Variants in NAV1 observed in about 807,000 individuals in gnomAD.
NAV1 encodes the protein neuron navigator 1, also known as pore membrane and/or filament interacting like protein 3.
In NAV1, 18 loss-of-function variants were observed where a neutral mutation model predicts 175.2. That is an observed-to-expected ratio of 0.10 (90% CI 0.07 to 0.15). The LOEUF (loss-of-function observed/expected upper bound fraction) is 0.15. Ranked by LOEUF, NAV1 falls within the 10% of genes least tolerant of loss-of-function variation. NAV1 has a pLI of 1.00. For synonymous variants in NAV1, 897 were observed against 978.7 expected, an observed-to-expected ratio of 0.92 and a Z score of 1.56; for missense variants, 1,731 against 2,436.6, an observed-to-expected ratio of 0.71 and a Z score of 6.10.
intron 1 of NAV1, among the ~76,000 whole-genome samples, chr1:201,656,363 G>A (rs1669402903): frequency 6.6e-6 from 1 of 152,210 alleles, no homozygotes; most frequent in African/African-American, 2.4e-5. Flanking sequence ...TGCTGTGTGT[G>A]TTCCCAGCGT....
chr1:201,741,287 CT>C (rs538272903), intron 3 of NAV1, among the ~76,000 whole-genome samples: 110 of 152,318 alleles, frequency 7.2e-4, no homozygotes, highest in Middle Eastern at 3.4e-3. Context: ...TGACTCCAAA[CT>C]TTTTTCCCCT....
chr1:201,699,522 A>G (rs1320511087), intron 1 of NAV1, among the ~76,000 whole-genome samples: 1 of 152,254 alleles, frequency 6.6e-6, no homozygotes, highest in Non-Finnish European at 1.5e-5. Flanking sequence ...TGCCCAAGGT[A>G]ATTTATAGAT....
chr1:201,570,839 C>T (rs1666519200), intron 1 of NAV1, among the ~76,000 whole-genome samples: 1 of 152,268 alleles, frequency 6.6e-6, no homozygotes, highest in Non-Finnish European at 1.5e-5. Flanking sequence ...TTCTCCATCT[C>T]TGGAACCTCA....
chr1:201,543,385 C>T (rs144619303), intron 1 of NAV1, among the ~76,000 whole-genome samples: 128 of 152,106 alleles, frequency 8.4e-4, no homozygotes, highest in African/African-American at 2.9e-3. Flanking sequence ...CTGTATCACT[C>T]GAGATAATCC....
chr1:201,793,889 GA>G lies in NAV1; in HGVS notation c.3405+17del. On this transcript the variant is annotated intron_variant, in intron 14 of 29. Transcript: ENST00000367296. ...GCCGAGGAGAAGGTGAGAGGCCTGG[GA>G]AAGGGTGGGAGGGGTGGGTGCGGCG... is the stretch of plus-strand genomic sequence containing the variant. 1 of 510,306 alleles carries G rather than the reference GA, an allele frequency of 2.0e-6. No homozygotes were observed. Among genetic ancestry groups the G allele is most frequent in the Non-Finnish European group, 3.5e-6 (1 of 287,582 alleles). 31.6% of individuals were successfully genotyped at this position (510,306 alleles called of 1,614,324 possible). A position where few individuals can be genotyped will look rare whatever the true frequency, so the allele number is the denominator to read the frequency against.
At chr1:201,720,012 A>C (rs1439249504) in intron 3 of NAV1, among the ~76,000 whole-genome samples, 2 of 152,308 alleles carry the variant, frequency 1.3e-5, no homozygotes, top group East Asian at 3.9e-4. Flanking sequence ...GCATGAATGG[A>C]GTTGTTTACT....
At chr1:201,540,916 AAAG>A (rs1408070893) in intron 1 of NAV1, among the ~76,000 whole-genome samples, 3 of 152,206 alleles carry the variant, frequency 2.0e-5, no homozygotes, top group East Asian at 1.9e-4. Context: ...TTGGAAGAAT[AAAG>A]AAGGTTTTTC....
At chr1:201,575,095 G>A (rs560985522) in intron 1 of NAV1, among the ~76,000 whole-genome samples, 34 of 152,366 alleles carry the variant, frequency 2.2e-4, no homozygotes, top group African/African-American at 7.9e-4. Context: ...TTGAAGTCCT[G>A]ATGCAGAGTG....
At chr1:201,578,394 C>T (rs1318892430) in intron 1 of NAV1, among the ~76,000 whole-genome samples, 1 of 152,176 alleles carries the variant, frequency 6.6e-6, no homozygotes, top group Non-Finnish European at 1.5e-5. Context: ...GGTAGGAGTT[C>T]CAGCTCCCTG....
In NAV1 at chr1:201,550,681, G is replaced by A. The variant is rs183335339; in HGVS notation, c.-144+11339G>A. On this transcript the variant is annotated intron_variant, in intron 1 of 33. Transcript: ENST00000685211. ...TGACACAATGTTACATTTTATAGAT[G>A]TTTGATTAAATCTTGATTAACTTCA... Among the ~76,000 whole-genome samples, 13 of 152,318 alleles carry A rather than the reference G, an allele frequency of 8.5e-5. No individual in the cohort carries two copies. The East Asian group carries it at 2.5e-3, about 29-fold the overall frequency.
chr1:201,647,423 G>C (rs932308473), upstream of NAV1, among the ~76,000 whole-genome samples: 1 of 152,196 alleles, frequency 6.6e-6, no homozygotes, highest in African/African-American at 2.4e-5. Context: ...GTTTGACACA[G>C]GCCTTTACAG....
At chr1:201,548,469 A>G (rs1387167027) in intron 1 of NAV1, among the ~76,000 whole-genome samples, 2 of 152,188 alleles carry the variant, frequency 1.3e-5, no homozygotes, top group Admixed American at 1.3e-4. Flanking sequence ...AGGAGGATCG[A>G]TCACTTGATC....
intron 1 of NAV1, among the ~76,000 whole-genome samples, chr1:201,690,505 G>A (rs1670871151): frequency 6.7e-6 from 1 of 150,232 alleles, no homozygotes; most frequent in Non-Finnish European, 1.5e-5. Flanking sequence ...CCTGTCTGTG[G>A]CAGAGTGCTG....
chr1:201,609,687 C>T (rs963320439), intron 2 of NAV1, among the ~76,000 whole-genome samples: 3 of 152,148 alleles, frequency 2.0e-5, no homozygotes, highest in Non-Finnish European at 4.4e-5. Flanking sequence ...TGGGGGTCTT[C>T]ACAGGCTCAA....
intron 2 of NAV1, among the ~76,000 whole-genome samples, chr1:201,614,855 C>T (rs1667957502): frequency 6.6e-6 from 1 of 152,230 alleles, no homozygotes; most frequent in African/African-American, 2.4e-5. Flanking sequence ...CTTCAGCGTC[C>T]TTGCCTCTGA....
chr1:201,773,542 C>A lies in NAV1; in HGVS notation c.1227-6879C>A, dbSNP rs150867975. The stretch of plus-strand genomic sequence containing the variant: ...ATTAGGCTCTGAACCAGAGCAAAGG[C>A]AGGGGAAAGTTAAAGGAAGAGACAG... On this transcript the variant is annotated intron_variant, in intron 3 of 29. Coordinates refer to ENST00000367296, the Ensembl canonical transcript of NAV1. 4.2e-3 allele frequency among the ~76,000 whole-genome samples: 631 copies of A among 152,038 alleles called. 4 individuals are homozygous for A. The highest frequency in any genetic ancestry group is 0.022 in the South Asian group (106 of 4,814).
At chr1:201,650,172 A>T (rs911073380) in intron 1 of NAV1, among the ~76,000 whole-genome samples, 3 of 152,236 alleles carry the variant, frequency 2.0e-5, no homozygotes, top group African/African-American at 7.2e-5. Flanking sequence ...GAAGCCGAGC[A>T]GGCGGGAAGG....
intron 2 of NAV1, among the ~76,000 whole-genome samples, chr1:201,606,375 T>C (rs1199860269): frequency 1.3e-5 from 2 of 152,188 alleles, no homozygotes; most frequent in Admixed American, 6.5e-5. Flanking sequence ...CTGGCACTTA[T>C]AGCCACTCAA....
chr1:201,555,331 T>C (rs1463344448), intron 1 of NAV1, among the ~76,000 whole-genome samples: 1 of 152,198 alleles, frequency 6.6e-6, no homozygotes, highest in African/African-American at 2.4e-5. Context: ...GACCTACTTT[T>C]AACATTCTAT....
Sources: gnomAD v4.1 joint callset for allele counts (sites outside exome capture counted in the v4.1 genomes callset) on GRCh38, gnomAD v4.1.1 for gene constraint, MANE v1.5 for transcripts, NCBI Gene and HGNC (gene_info 2026-07-23, HGNC 2026-07-21) for gene names.